Variants in FBXO34 observed in about 807,000 individuals in gnomAD.
FBXO34 encodes the protein F-box only protein 34.
A neutral mutation model predicts 24.5 loss-of-function variants in FBXO34; 12 were observed. The ratio of observed to expected loss-of-function variants is 0.49; its 90% CI spans 0.31 to 0.79. FBXO34 has a LOEUF of 0.79. Ranked by LOEUF, FBXO34 falls within the 30% of genes least tolerant of loss-of-function variation. FBXO34 has a pLI of 0.04. For synonymous variants in FBXO34, 320 were observed against 311.9 expected, an observed-to-expected ratio of 1.03 and a Z score of -0.27; for missense variants, 823 against 857.7, an observed-to-expected ratio of 0.96 and a Z score of 0.51.
chr14:55,379,954 A>G, the FBXO34 span, among the ~76,000 whole-genome samples: 4 of 152,336 alleles, frequency 2.6e-5, no homozygotes, highest in East Asian at 7.7e-4. Context: ...AACAACAAAC[A>G]AAAAGAATTC....
chr14:55,287,035 A>C (rs1333041865), intron 1 of FBXO34, among the ~76,000 whole-genome samples: 3 of 148,176 alleles, frequency 2.0e-5, no homozygotes, highest in Admixed American at 6.9e-5. Flanking sequence ...TGGCCTCCCC[A>C]GTATCTGGGA....
At chr14:55,386,030 T>C in the FBXO34 span, 1 of 1,614,176 alleles carries the variant, frequency 6.2e-7, no homozygotes, top group Non-Finnish European at 8.5e-7. Context: ...CTTTTTCTCT[T>C]GGTGCCGTTG....
intron 1 of FBXO34, among the ~76,000 whole-genome samples, chr14:55,295,387 ATTTTTTTTTTT>A (rs3051307): frequency 3.3e-5 from 3 of 91,384 alleles, no homozygotes; most frequent in Admixed American, 2.5e-4. Context: ...ATTCTTTTCT[ATTTTTTTTTTT>A]TTTTTTTTTT....
chr14:55,403,698 G>A, the FBXO34 span, among the ~76,000 whole-genome samples: 25 of 152,192 alleles, frequency 1.6e-4, no homozygotes, highest in South Asian at 4.4e-3. Context: ...CAACAACAAC[G>A]AACCAGCAAA....
chr14:55,290,943 C>T (rs1308865168), intron 1 of FBXO34, among the ~76,000 whole-genome samples: 2 of 152,126 alleles, frequency 1.3e-5, no homozygotes, highest in East Asian at 3.8e-4. Flanking sequence ...CCTCAGCCAC[C>T]TGAGTAGCTG....
the FBXO34 span, among the ~76,000 whole-genome samples, chr14:55,389,266 C>T: frequency 2.0e-5 from 3 of 151,680 alleles, no homozygotes; most frequent in Non-Finnish European, 4.4e-5. Flanking sequence ...CACAGATGCC[C>T]GGTGGCAAAG....
chr14:55,421,974 A>T, the FBXO34 span, among the ~76,000 whole-genome samples: 1 of 152,222 alleles, frequency 6.6e-6, no homozygotes, highest in African/African-American at 2.4e-5. Context: ...AGGAATATAC[A>T]TTTAAGAGAG....
intron 1 of FBXO34, among the ~76,000 whole-genome samples, chr14:55,331,420 A>G (rs1206793175): frequency 6.6e-6 from 1 of 151,674 alleles, no homozygotes; most frequent in Non-Finnish European, 1.5e-5. Flanking sequence ...GTTCTTCAGT[A>G]TAGATGTAAT....
chr14:55,385,372 G>A, the FBXO34 span, among the ~76,000 whole-genome samples: 1 of 152,150 alleles, frequency 6.6e-6, no homozygotes, highest in Admixed American at 6.5e-5. Context: ...GGCTCACTGC[G>A]ACCTCGGCCT....
rs533614039 is a variant in FBXO34 at position 55,300,731 on chromosome 14, A to G, written c.-11+29194A>G. On this transcript the variant is annotated intron_variant, in intron 1 of 1. Transcript: ENST00000313833. ...GGTGATTGAATCTAGAGGTGTGCTT[A>G]GCATATAATATATATGCACATGGTA... 2.6e-5 allele frequency among the ~76,000 whole-genome samples: 4 copies of G among 152,382 alleles called. No individual in the cohort carries two copies. In the South Asian group the frequency reaches 8.3e-4, roughly 32 times the overall value.
intron 1 of FBXO34, among the ~76,000 whole-genome samples, chr14:55,324,040 T>C (rs1883259426): frequency 6.6e-6 from 1 of 151,906 alleles, no homozygotes; most frequent in South Asian, 2.2e-4. Context: ...GTCACCCCCA[T>C]GGGTGACAAA....
At chr14:55,337,965 C>G (rs1178291267) in intron 1 of FBXO34, among the ~76,000 whole-genome samples, 1 of 151,804 alleles carries the variant, frequency 6.6e-6, no homozygotes, top group Non-Finnish European at 1.5e-5. Flanking sequence ...CTATGATATG[C>G]TTCCTGTGCG....
the FBXO34 span, among the ~76,000 whole-genome samples, chr14:55,380,855 GTATATA>G: frequency 8.5e-6 from 1 of 118,084 alleles, no homozygotes; most frequent in Non-Finnish European, 1.7e-5. Context: ...TTCTTTGTGT[GTATATA>G]TATATATATA....
At position 55,351,864 on chromosome 14, in the gene FBXO34, T is replaced by C. The variant is rs143427707; in HGVS notation, c.1474T>C (p.Ser492Pro). 73 of 1,614,080 alleles carry C rather than the reference T, an allele frequency of 4.5e-5. No homozygotes were observed. Among genetic ancestry groups the C allele is most frequent in the Non-Finnish European group, 7.6e-6 (9 of 1,180,048 alleles). The change falls in exon 2 of 2, where the codon TCA (serine) becomes CCA (proline). Residue 492 changes from serine to proline, a missense_variant. Ser to Pro is a moderately conservative substitution (Grantham distance 74, BLOSUM62 -1). Coordinates refer to ENST00000313833, the MANE Select transcript of FBXO34 (RefSeq NM_017943.4). ...LFFLPPGQHL[S>P]DYSQLNESTT... ...TTTTTTGCCACCTGGTCAGCACTTG[T>C]CAGACTATTCCCAGTTGAATGAAAG...
At chr14:55,419,244 A>T in the FBXO34 span, among the ~76,000 whole-genome samples, 1 of 152,224 alleles carries the variant, frequency 6.6e-6, no homozygotes, top group Non-Finnish European at 1.5e-5. Flanking sequence ...GATATCGTTA[A>T]GTTTACTAAG....
chr14:55,367,163 T>C (rs1362421788), exon 3 of FBXO34: 1 of 152,330 alleles, frequency 6.6e-6, no homozygotes, highest in Admixed American at 6.5e-5. Flanking sequence ...CTCTCATTCA[T>C]GGTTTCATAA....
chr14:55,389,010 T>A, the FBXO34 span, among the ~76,000 whole-genome samples: 12 of 152,220 alleles, frequency 7.9e-5, no homozygotes, highest in Non-Finnish European at 1.5e-4. Context: ...ATCATTTTCC[T>A]AAGTCCAGGA....
chr14:55,313,596 TCA>T (rs1373463150), intron 1 of FBXO34, among the ~76,000 whole-genome samples: 1 of 152,196 alleles, frequency 6.6e-6, no homozygotes, highest in Non-Finnish European at 1.5e-5. Context: ...TTTAATTGAC[TCA>T]CAGTTTCACA....
the FBXO34 span, among the ~76,000 whole-genome samples, chr14:55,397,943 CTTTTT>C: frequency 0.01 from 1,066 of 105,518 alleles, 10 homozygotes; most frequent in African/African-American, 0.04. Context: ...TGCAGTAATT[CTTTTT>C]TTTTTTTTTT....
Sources: allele counts gnomAD v4.1 joint callset (sites outside exome capture counted in the v4.1 genomes callset), GRCh38; gene constraint gnomAD v4.1.1; transcripts MANE v1.5; gene names NCBI Gene and HGNC (gene_info 2026-07-23, HGNC 2026-07-21).